Variants in MRTFA observed in about 807,000 individuals in gnomAD.
MRTFA encodes the protein myocardin related transcription factor A.
MRTFA carries 20 observed loss-of-function variants against 83.5 expected under a neutral mutation model. That is an observed-to-expected ratio of 0.24 (90% CI 0.17 to 0.35). MRTFA has a LOEUF of 0.35. Ranked by LOEUF, MRTFA falls within the 10% of genes least tolerant of loss-of-function variation. The pLI, the probability that MRTFA is intolerant of heterozygous loss-of-function variation, is 1.00. For missense variants in MRTFA, 1,200 were observed against 1,224.7 expected (o/e 0.98, Z 0.30); for synonymous variants, 659 against 541.2 (o/e 1.22, Z -3.02).
intron 1 of MRTFA, among the ~76,000 whole-genome samples, chr22:40,601,009 C>A (rs576962027): frequency 1.3e-5 from 2 of 152,154 alleles, no homozygotes; most frequent in South Asian, 4.2e-4. Flanking sequence ...AAAAAAACTA[C>A]AATCTCAAAC....
intron 3 of MRTFA, among the ~76,000 whole-genome samples, chr22:40,517,929 C>T (rs2054788589): frequency 6.6e-6 from 1 of 152,200 alleles, no homozygotes; most frequent in Non-Finnish European, 1.5e-5. Flanking sequence ...CCAATGATGT[C>T]ATTAATCATG....
intron 4 of MRTFA, among the ~76,000 whole-genome samples, chr22:40,444,766 T>A (rs2053344683): frequency 6.6e-6 from 1 of 151,850 alleles, no homozygotes; most frequent in South Asian, 2.1e-4. Context: ...ATGTTTTATG[T>A]TTTAAAAAAA....
intron 3 of MRTFA, among the ~76,000 whole-genome samples, chr22:40,471,143 A>C (rs2053904281): frequency 6.8e-6 from 1 of 147,726 alleles, no homozygotes; most frequent in Non-Finnish European, 1.5e-5. Flanking sequence ...GCACTTTGGG[A>C]AGCCAAGGAG....
At chr22:40,494,466 C>T (rs1482785624) in intron 3 of MRTFA, among the ~76,000 whole-genome samples, 4 of 152,006 alleles carry the variant, frequency 2.6e-5, no homozygotes, top group Admixed American at 6.6e-5. Flanking sequence ...ATCACTTGAA[C>T]CCAAGGAGTT....
intron 3 of MRTFA, among the ~76,000 whole-genome samples, chr22:40,489,833 G>A (rs987455672): frequency 4.6e-5 from 7 of 151,912 alleles, no homozygotes. Context: ...TCAAAAATTA[G>A]CCAGGTGTGG....
intron 7 of MRTFA, among the ~76,000 whole-genome samples, chr22:40,424,769 C>T (rs1331965816): frequency 6.6e-6 from 1 of 152,196 alleles, no homozygotes; most frequent in Non-Finnish European, 1.5e-5. Flanking sequence ...GTTAAAGGTA[C>T]TCTGTATCTT....
chr22:40,520,746 C>A (rs2054852128), intron 3 of MRTFA, among the ~76,000 whole-genome samples: 1 of 152,138 alleles, frequency 6.6e-6, no homozygotes. Flanking sequence ...ACAGTGATTT[C>A]TTTTTATGAG....
At chr22:40,584,789 AT>A (rs1440549745) in intron 2 of MRTFA, among the ~76,000 whole-genome samples, 1 of 151,926 alleles carries the variant, frequency 6.6e-6, no homozygotes, top group African/African-American at 2.4e-5. Context: ...TCAAGCCTTA[AT>A]CCCAGCACTT....
At position 40,419,026 on chromosome 22, in the gene MRTFA, G is replaced by A. The variant is rs1569251854; in HGVS notation, c.1712C>T (p.Thr571Ile). ...CATCTCACCAAAGGTGTCCCCGGGG[G>A]TGGAGTTTTCATCGCCCGTGCTGAG... Residue 571 changes from threonine (T) to isoleucine (I), a missense_variant, in exon 12 of 15, where the codon ACC (threonine) becomes ATC (isoleucine). By Grantham distance (89) the Thr-to-Ile change is moderately conservative. Around this residue, in one of 2 missense-constraint regions of MRTFA, gnomAD observed 1,107 missense variants for 1,041.8 expected, o/e 1.06. Transcript: ENST00000355630. The A allele has an allele frequency of 3.7e-6, 6 of 1,612,626 alleles. No individual in the cohort carries two copies. The highest frequency in any genetic ancestry group is 5.1e-6 in the Non-Finnish European group (6 of 1,179,866).
chr22:40,617,902 G>A (rs1352688183), intron 1 of MRTFA, among the ~76,000 whole-genome samples: 1 of 152,072 alleles, frequency 6.6e-6, no homozygotes, highest in Non-Finnish European at 1.5e-5. Context: ...GCCAAGTACT[G>A]TTGGTGTTGA....
chr22:40,552,894 A>C (rs1238316319), intron 2 of MRTFA, among the ~76,000 whole-genome samples: 1 of 152,220 alleles, frequency 6.6e-6, no homozygotes, highest in Non-Finnish European at 1.5e-5. Flanking sequence ...AGAAGACAGG[A>C]AACTGTGGTA....
chr22:40,609,601 T>A (rs1470142538), intron 1 of MRTFA, among the ~76,000 whole-genome samples: 1 of 151,498 alleles, frequency 6.6e-6, no homozygotes, highest in Admixed American at 6.6e-5. Flanking sequence ...GAGGCCTAGA[T>A]GGGTGGATCA....
intron 3 of MRTFA, among the ~76,000 whole-genome samples, chr22:40,549,771 G>A (rs976891886): frequency 5.9e-5 from 9 of 152,168 alleles, no homozygotes; most frequent in Admixed American, 5.2e-4. Flanking sequence ...TAGATTGAGG[G>A]CTAGGTGTGG....
intron 3 of MRTFA, among the ~76,000 whole-genome samples, chr22:40,479,939 T>G (rs1460242750): frequency 6.6e-6 from 1 of 152,156 alleles, no homozygotes; most frequent in Non-Finnish European, 1.5e-5. Context: ...AACTTACACA[T>G]CTAACCAGGT....
chr22:40,528,193 C>T (rs933970247), intron 3 of MRTFA, among the ~76,000 whole-genome samples: 6 of 152,104 alleles, frequency 3.9e-5, no homozygotes, highest in South Asian at 2.1e-4. Context: ...CACTTCCCAG[C>T]GGGTGGAAGG....
At chr22:40,622,019 G>C (rs913951502) in intron 1 of MRTFA, among the ~76,000 whole-genome samples, 2 of 152,134 alleles carry the variant, frequency 1.3e-5, no homozygotes, top group African/African-American at 4.8e-5. Flanking sequence ...GACTTTTGGG[G>C]ATGTTGGAAT....
In MRTFA at chr22:40,471,044, C is replaced by T. The variant is rs537130012; in HGVS notation, c.242-7758G>A. Among the ~76,000 whole-genome samples the T allele has an allele frequency of 2.6e-5, 4 of 151,542 alleles. No homozygotes were observed. In the South Asian group the frequency reaches 8.3e-4, roughly 32 times the overall value. On this transcript the variant is annotated intron_variant, in intron 3 of 14. Coordinates refer to ENST00000355630, the MANE Select transcript of MRTFA (RefSeq NM_020831.6). ...AAGAACAAAATTGATAAACCTTTAC[C>T]TAGACTGCCAAGAAAAAAACAGAAA...
intron 1 of MRTFA, among the ~76,000 whole-genome samples, chr22:40,617,936 C>T (rs2056473462): frequency 6.6e-6 from 1 of 152,130 alleles, no homozygotes; most frequent in Admixed American, 6.6e-5. Flanking sequence ...GACAAAGTCC[C>T]TGCCCTTGTA....
chr22:40,613,764 G>T (rs943889535), intron 1 of MRTFA, among the ~76,000 whole-genome samples: 1 of 152,200 alleles, frequency 6.6e-6, no homozygotes, highest in African/African-American at 2.4e-5. Context: ...CCAAAAAATA[G>T]CCAGGCGTAG....
Sources: gnomAD v4.1 joint callset for allele counts (sites outside exome capture counted in the v4.1 genomes callset) on GRCh38, gnomAD v4.1.1 for gene constraint, gnomAD v4.1.1 regional missense constraint, MANE v1.5 for transcripts, NCBI Gene and HGNC (gene_info 2026-07-23, HGNC 2026-07-21) for gene names.